TFCP2: variants seen among roughly 807,000 people sequenced by gnomAD.
TFCP2 encodes transcription factor CP2.
A neutral mutation model predicts 73.4 loss-of-function variants in TFCP2; 33 were observed. The ratio of observed to expected loss-of-function variants is 0.45; its 90% CI spans 0.34 to 0.60. The LOEUF is 0.60. TFCP2 is among the 20% of genes least tolerant of loss of function. The pLI, the probability that TFCP2 is intolerant of heterozygous loss-of-function variation, is 0.01. For missense variants in TFCP2, 352 were observed against 604.0 expected (o/e 0.58, Z 4.37); for synonymous variants, 193 against 211.6 (o/e 0.91, Z 0.76).
At chr12:51,124,711 G>A (rs753759899) in intron 1 of TFCP2, 1 of 678,666 alleles carries the variant, frequency 1.5e-6, no homozygotes, top group Admixed American at 1.9e-5. Context: ...TTGGCAATCA[G>A]CTCGGTTGCC....
intron 1 of TFCP2, among the ~76,000 whole-genome samples, chr12:51,144,960 G>A (rs568566429): frequency 3.1e-4 from 47 of 152,290 alleles, no homozygotes; most frequent in African/African-American, 1.1e-3. Context: ...CAACGTTTTG[G>A]GAGGCCGAGG....
rs990797568 is a variant in TFCP2, at chr12:51,104,046, A to T, written c.966+109T>A. On this transcript the variant is annotated intron_variant, in intron 9 of 14. Transcript: ENST00000257915. ...TCAAAATTCAATAAATGTTTGTTTA[A>T]TGAATGAATGAATAATACTCCCTAA... 2.4e-4 allele frequency: 263 copies of T among 1,086,582 alleles called. No homozygotes were observed. The Middle Eastern group carries it at 3.4e-3, about 14-fold the overall frequency. The allele number at this position is 1,086,582 out of a possible 1,614,324, so 67.3% of individuals were successfully genotyped here. A position where few individuals can be genotyped will look rare whatever the true frequency, so the allele number is the denominator to read the frequency against.
intron 7 of TFCP2, 132 bp from the exon 8 acceptor site, chr12:51,106,745 G>C (rs1225346093): frequency 1.4e-6 from 1 of 693,112 alleles, no homozygotes; most frequent in Non-Finnish European, 2.5e-6. Flanking sequence ...AAGCAATAGA[G>C]AACACTGCTT....
Position 51,110,907 on chromosome 12 carries a change from G to T in TFCP2, c.534C>A (p.Asp178Glu), listed in dbSNP as rs1468226422. The T allele has an allele frequency of 6.2e-6, 10 of 1,613,774 alleles. No individual in the cohort carries two copies. Among genetic ancestry groups the T allele is most frequent in the Non-Finnish European group, 7.6e-6 (9 of 1,179,880 alleles). The part of the protein sequence containing the change: ...TQLNTVEFLW[D>E]PAKRTSVFIQ... Reference sequence around the variant, plus strand: ...TAAACACAGATGTCCTCTTTGCAGGGTCCCACAGGAACTCCACTGTATTTA... The same window carrying T: ...TAAACACAGATGTCCTCTTTGCAGGTTCCCACAGGAACTCCACTGTATTTA... The change falls in exon 5 of 15, where the codon GAC (aspartate) becomes GAA (glutamate). Residue 178 changes from aspartate to glutamate, a missense_variant. Asp to Glu is a conservative substitution (Grantham distance 45). This residue lies in a region of TFCP2 where 31 missense variants were observed against 43.7 expected (regional missense o/e 0.71). Coordinates refer to ENST00000257915, the MANE Select transcript of TFCP2 (RefSeq NM_005653.5).
Position 51,101,960 on chromosome 12 carries a change from T to C in TFCP2, c.1126A>G (p.Arg376Gly), listed in dbSNP as rs765005273. 3 of 1,612,826 alleles carry C rather than the reference T, an allele frequency of 1.9e-6. No homozygotes were observed. Among genetic ancestry groups the C allele is most frequent in the Non-Finnish European group, 2.5e-6 (3 of 1,178,930 alleles). Residue 376 changes from arginine to glycine, a missense_variant, in exon 11 of 15, where the codon AGA becomes GGA. Coordinates refer to ENST00000257915, the MANE Select transcript of TFCP2 (RefSeq NM_005653.5). ...CGGCCTTTTAATGCATTAAAAAGTC[T>C]GATTCCATCTGCAGGGCCACAGATT... is the stretch of plus-strand genomic sequence containing the variant. ...IQICGPADGIRLFNALKGRMV... is the reference protein window; with the variant it reads ...IQICGPADGIGLFNALKGRMV...
chr12:51,153,285 G>A (rs2137032295), intron 1 of TFCP2, among the ~76,000 whole-genome samples: 1 of 152,156 alleles, frequency 6.6e-6, no homozygotes, highest in South Asian at 2.1e-4. Flanking sequence ...CTAAGGCAGG[G>A]GAATAACTTG....
chr12:51,102,883 G>C (rs1157045400), intron 10 of TFCP2, among the ~76,000 whole-genome samples: 1 of 149,612 alleles, frequency 6.7e-6, no homozygotes, highest in African/African-American at 2.5e-5. Context: ...GATTCGATTA[G>C]TTGTGTTTTG....
intron 1 of TFCP2, chr12:51,125,031 T>C: frequency 1.3e-6 from 1 of 742,378 alleles, no homozygotes; most frequent in Non-Finnish European, 2.5e-6. Context: ...CACCACTGAC[T>C]TGAGGATCTC....
In TFCP2 at chr12:51,132,357, C is replaced by CTTTTTTTTTTTTTTTTTTTTT. The variant is rs869123355; in HGVS notation, c.123-13606_123-13586dup. Among the ~76,000 whole-genome samples the CTTTTTTTTTTTTTTTTTTTTT allele has an allele frequency of 3.2e-5, 2 of 61,790 alleles. 1 individual carries two copies. The highest frequency in any genetic ancestry group is 1.2e-4 in the African/African-American group (2 of 17,232). The allele number at this position is 61,790 out of a possible 152,430, so 40.5% of individuals were successfully genotyped here. A position where few individuals can be genotyped will look rare whatever the true frequency, so the allele number is the denominator to read the frequency against. On this transcript the variant is annotated intron_variant, in intron 1 of 14. Coordinates refer to ENST00000257915, the MANE Select transcript of TFCP2 (RefSeq NM_005653.5). The stretch of plus-strand genomic sequence containing the variant: ...TGCAAGTTCTGGTTTAGGGATTAGT[C>CTTTTTTTTTTTTTTTTTTTTT]TTTTTTTTTTTTTTTTTTTTTTTTT...
At chr12:51,111,986 G>A (rs762430426) in intron 4 of TFCP2, among the ~76,000 whole-genome samples, 2 of 151,952 alleles carry the variant, frequency 1.3e-5, no homozygotes, top group Non-Finnish European at 2.9e-5. Flanking sequence ...GCGAAACCCC[G>A]TCTCTACTAA....
At chr12:51,121,196 A>C (rs1592804657) in intron 1 of TFCP2, among the ~76,000 whole-genome samples, 1 of 152,032 alleles carries the variant, frequency 6.6e-6, no homozygotes, top group East Asian at 1.9e-4. Context: ...CAAGGGGGGC[A>C]GATCACTTGA....
chr12:51,098,614 A>C (rs1020670350), intron 13 of TFCP2, among the ~76,000 whole-genome samples, 162 bp downstream of exon 13: 1 of 151,954 alleles, frequency 6.6e-6, no homozygotes, highest in African/African-American at 2.4e-5. Flanking sequence ...CAACAGAGAG[A>C]GACTGTTTCA....
chr12:51,120,217 C>A (rs2730656), intron 1 of TFCP2, among the ~76,000 whole-genome samples: 97,981 of 139,976 alleles, frequency 0.7, 34,891 homozygotes, highest in Non-Finnish European at 0.8. Context: ...ACAACAACAA[C>A]AAAAAAATAA....
rs776997163 is a variant in TFCP2, at chr12:51,118,710, T to C, written c.185A>G (p.Asn62Ser). 1.2e-6 allele frequency: 2 copies of C among 1,614,196 alleles called. No homozygotes were observed. The highest frequency in any genetic ancestry group is 3.3e-5 in the Admixed American group (2 of 60,016). Residue 62 changes from asparagine (N) to serine (S), a missense_variant, in exon 2 of 15, where the codon AAT becomes AGT. Asn to Ser is a conservative substitution (Grantham distance 46, BLOSUM62 1). Coordinates refer to ENST00000257915, the MANE Select transcript of TFCP2 (RefSeq NM_005653.5). ...EESSLPPDNE[N>S]KILPFQYVLC... ...CACATATTGAAAAGGCAGGATTTTA[T>C]TCTCATTATCAGGAGGCAAACTCGA...
chr12:51,158,156 A>AT (rs1941576682), intron 1 of TFCP2, among the ~76,000 whole-genome samples: 2 of 151,988 alleles, frequency 1.3e-5, no homozygotes, highest in Non-Finnish European at 2.9e-5. Context: ...CTACAGGAAT[A>AT]TATCACCATG....
chr12:51,166,744 A>C (rs534564523), intron 1 of TFCP2, among the ~76,000 whole-genome samples: 13 of 152,082 alleles, frequency 8.5e-5, no homozygotes, highest in African/African-American at 2.7e-4. Flanking sequence ...TACCCCACAA[A>C]TACTGCCAAG....
chr12:51,110,741 G>T (rs777354759), intron 5 of TFCP2, 136 bp downstream of exon 5: 18 of 631,270 alleles, frequency 2.9e-5, no homozygotes, highest in Non-Finnish European at 5.0e-5. Context: ...TCAGGCACAG[G>T]TTAAAGAGCC....
At chr12:51,101,845 A>G (rs1199553588) in intron 11 of TFCP2, 90 bp downstream of exon 11, 21 of 763,130 alleles carry the variant, frequency 2.8e-5, no homozygotes, top group Non-Finnish European at 3.6e-5. Flanking sequence ...GAGAAGGTGT[A>G]TTTAGCTGTG....
rs1940164117 is a variant in TFCP2, at chr12:51,103,737, C to T, written c.993G>A (p.Gln331=). ...TTCGATGCAACCACTGCTGAGCTTCCTGAGGTGTGGTTGTTGGTAAGAGGT... is the reference window on the plus strand; with the variant it reads ...TTCGATGCAACCACTGCTGAGCTTCTTGAGGTGTGGTTGTTGGTAAGAGGT... The part of the protein sequence containing the change: ...TDNLLPTTTP[Q]EAQQWLHRNR... Residue 331 remains glutamine (Q), a synonymous_variant, in exon 10 of 15, where the codon CAG becomes CAA. Coordinates refer to ENST00000257915, the MANE Select transcript of TFCP2 (RefSeq NM_005653.5). 1 of 1,613,962 alleles carries T rather than the reference C, an allele frequency of 6.2e-7. No individual in the cohort carries two copies. The highest frequency in any genetic ancestry group is 2.2e-5 in the East Asian group (1 of 44,860).
Sources: allele counts gnomAD v4.1 joint callset (sites outside exome capture counted in the v4.1 genomes callset), GRCh38; gene constraint gnomAD v4.1.1; regional missense constraint gnomAD v4.1.1; transcripts MANE v1.5; gene names NCBI Gene and HGNC (gene_info 2026-07-23, HGNC 2026-07-21).